PLSCR4: variants seen among roughly 807,000 people sequenced by gnomAD.
The protein encoded by PLSCR4 is Ca(2+)-dependent phospholipid scramblase 4.
PLSCR4 carries 25 observed loss-of-function variants against 36.3 expected under a neutral mutation model. The ratio of observed to expected loss-of-function variants is 0.69; its 90% confidence interval spans 0.50 to 0.96. The LOEUF (loss-of-function observed/expected upper bound fraction) is 0.96. PLSCR4 is among the 40% of genes least tolerant of loss of function. The probability of loss-of-function intolerance (pLI) is 0.00; values close to 1 mark genes in which losing one functional copy is unlikely to be tolerated. For missense variants in PLSCR4, 408 were observed against 414.7 expected, an observed-to-expected ratio of 0.98 and a Z score of 0.14; for synonymous variants, 122 against 132.9, an observed-to-expected ratio of 0.92 and a Z score of 0.56.
intron 1 of PLSCR4, among the ~76,000 whole-genome samples, chr3:146,237,349 T>A (rs1435877579): frequency 6.6e-6 from 1 of 152,096 alleles, no homozygotes; most frequent in Admixed American, 6.5e-5. Context: ...ATGAAATTGA[T>A]GGGAAATACA....
chr3:146,239,004 T>C (rs2036032957), intron 1 of PLSCR4, among the ~76,000 whole-genome samples: 1 of 152,076 alleles, frequency 6.6e-6, no homozygotes, highest in Non-Finnish European at 1.5e-5. Flanking sequence ...TTTATAATAG[T>C]ACCAAAAATA....
intron 1 of PLSCR4, among the ~76,000 whole-genome samples, chr3:146,242,310 T>G (rs1443082792): frequency 6.6e-6 from 1 of 152,176 alleles, no homozygotes; most frequent in Non-Finnish European, 1.5e-5. Context: ...TTTTAAGAGT[T>G]TCACATGAGA....
chr3:146,202,587 G>C (rs557611432), intron 4 of PLSCR4, among the ~76,000 whole-genome samples: 25 of 152,094 alleles, frequency 1.6e-4, no homozygotes, highest in African/African-American at 5.3e-4. Context: ...GCCCAGGTTG[G>C]CGGCAGCAAT....
chr3:146,235,303 G>A (rs1388815962), intron 1 of PLSCR4, among the ~76,000 whole-genome samples: 1 of 152,032 alleles, frequency 6.6e-6, no homozygotes, highest in East Asian at 1.9e-4. Flanking sequence ...TTCTTGTGAT[G>A]AGTTCTCGTG....
chr3:146,229,310 G>GT (rs1411066130), intron 1 of PLSCR4, among the ~76,000 whole-genome samples: 3 of 152,104 alleles, frequency 2.0e-5, no homozygotes, highest in Non-Finnish European at 2.9e-5. Context: ...GGAGCTTTGA[G>GT]TAACATCATA....
chr3:146,216,310 G>T (rs1325865138), intron 3 of PLSCR4, among the ~76,000 whole-genome samples: 1 of 152,080 alleles, frequency 6.6e-6, no homozygotes, highest in African/African-American at 2.4e-5. Flanking sequence ...CTTGCATAAT[G>T]AAAAATTCAC....
intron 1 of PLSCR4, among the ~76,000 whole-genome samples, chr3:146,222,941 C>A (rs1023401379): frequency 6.6e-6 from 1 of 151,886 alleles, no homozygotes; most frequent in African/African-American, 2.4e-5. Flanking sequence ...CTCCAGGAGT[C>A]GCTGATGGAC....
Position 146,206,663 on chromosome 3 carries a change from G to A in PLSCR4, c.217C>T (p.Gln73Ter). The A allele has an allele frequency of 6.2e-7, 1 of 1,613,404 alleles. No individual in the cohort carries two copies. The highest frequency in any genetic ancestry group is 8.5e-7 in the Non-Finnish European group (1 of 1,179,654). Residue 73 changes from glutamine to a stop codon, truncating the protein, a stop_gained, in exon 4 of 9, where the codon CAG becomes TAG. Coordinates refer to ENST00000354952, the MANE Select transcript of PLSCR4 (RefSeq NM_020353.3). LOFTEE classifies it high-confidence loss of function. ...PQQPSTFPLY[Q>*]PVGGIHPVRY... ...ACAGGATGGATACCACCAACTGGCTGGTACAAAGGGAAGGTACTGGGTTGC... is the reference window on the plus strand; with the variant it reads ...ACAGGATGGATACCACCAACTGGCTAGTACAAAGGGAAGGTACTGGGTTGC...
intron 1 of PLSCR4, among the ~76,000 whole-genome samples, chr3:146,238,204 CA>C (rs112050827): frequency 3.5e-4 from 49 of 141,890 alleles, no homozygotes; most frequent in Admixed American, 4.9e-4. Flanking sequence ...AAACTTCCCA[CA>C]AAAAAAAAAA....
intron 1 of PLSCR4, among the ~76,000 whole-genome samples, chr3:146,244,981 T>C (rs1000088790): frequency 6.6e-6 from 1 of 152,084 alleles, no homozygotes; most frequent in African/African-American, 2.4e-5. Flanking sequence ...GAAGTCAAAA[T>C]ATAAATATTA....
rs561699859 is a variant in PLSCR4 at position 146,219,638 on chromosome 3, C to A, written c.118+1177G>T. ...CCTAGAGCCAAAAAAAACCTTTGGCCGGGCACGGTGGCTCACACCTGTAAT... is the reference window on the plus strand; with the variant it reads ...CCTAGAGCCAAAAAAAACCTTTGGCAGGGCACGGTGGCTCACACCTGTAAT... On this transcript the variant is annotated intron_variant, in intron 3 of 8. Coordinates refer to ENST00000354952, the MANE Select transcript of PLSCR4 (RefSeq NM_020353.3). 6.4e-4 allele frequency among the ~76,000 whole-genome samples: 98 copies of A among 152,120 alleles called. 1 individual carries two copies. Among genetic ancestry groups the A allele is most frequent in the African/African-American group, 2.3e-3 (95 of 41,480 alleles).
chr3:146,230,834 T>C (rs952037219), intron 1 of PLSCR4, among the ~76,000 whole-genome samples: 24 of 152,250 alleles, frequency 1.6e-4, no homozygotes, highest in African/African-American at 5.8e-4. Flanking sequence ...AGACATGTTT[T>C]AATGGTGTAG....
At chr3:146,202,626 A>T (rs115290307) in intron 4 of PLSCR4, among the ~76,000 whole-genome samples, 1 of 152,002 alleles carries the variant, frequency 6.6e-6, no homozygotes, top group South Asian at 2.1e-4. Context: ...GAAGTTTGCC[A>T]TATCAATTGA....
rs1471029839 is a variant in PLSCR4 at position 146,221,932 on chromosome 3, AAC to A, written c.7+131_7+132del. 22 of 437,508 alleles carry A rather than the reference AAC, an allele frequency of 5.0e-5. 5 individuals are homozygous for A. The highest frequency in any genetic ancestry group is 4.6e-5 in the Admixed American group (1 of 21,624). 27.1% of individuals were successfully genotyped at this position (437,508 alleles called of 1,614,324 possible). A position where few individuals can be genotyped will look rare whatever the true frequency, so the allele number is the denominator to read the frequency against. On this transcript the variant is annotated intron_variant, in intron 2 of 8. Transcript: ENST00000354952. ...ATATATACATACATATATATATGCA[AAC>A]ACACACACGTATTTATATTTGCCAA...
chr3:146,238,071 G>C (rs183213269), intron 1 of PLSCR4, among the ~76,000 whole-genome samples: 1 of 151,740 alleles, frequency 6.6e-6, no homozygotes, highest in South Asian at 2.1e-4. Context: ...ACTACCATAT[G>C]CCAATTAGAT....
intron 6 of PLSCR4, among the ~76,000 whole-genome samples, chr3:146,197,333 A>G (rs1382773139): frequency 6.6e-6 from 1 of 152,058 alleles, no homozygotes; most frequent in Non-Finnish European, 1.5e-5. Context: ...CTCCAAGTCA[A>G]CCTCAGAACT....
At chr3:146,233,719 G>C (rs771675181) in intron 1 of PLSCR4, among the ~76,000 whole-genome samples, 6 of 152,100 alleles carry the variant, frequency 3.9e-5, no homozygotes, top group Non-Finnish European at 7.4e-5. Flanking sequence ...TAAGCAATCT[G>C]TTCAAGGTTA....
At chr3:146,230,485 G>A (rs1049941078) in intron 1 of PLSCR4, among the ~76,000 whole-genome samples, 2 of 152,132 alleles carry the variant, frequency 1.3e-5, no homozygotes, top group Non-Finnish European at 2.9e-5. Flanking sequence ...CTGGAAAGTG[G>A]CTCAAGGGGA....
At chr3:146,204,264 T>C (rs2034201880) in intron 4 of PLSCR4, among the ~76,000 whole-genome samples, 1 of 151,782 alleles carries the variant, frequency 6.6e-6, no homozygotes, top group Non-Finnish European at 1.5e-5. Flanking sequence ...TCATGTGAGA[T>C]CTCAAAAAGA....
Sources: gnomAD v4.1 joint callset for allele counts (sites outside exome capture counted in the v4.1 genomes callset) on GRCh38, gnomAD v4.1.1 for gene constraint, MANE v1.5 for transcripts, NCBI Gene and HGNC (gene_info 2026-07-23, HGNC 2026-07-21) for gene names.